The following HUWE1 variants were observed in gnomAD, a reference collection of about 807,000 sequenced individuals.
HUWE1 encodes the protein E3 ubiquitin-protein ligase HUWE1.
HUWE1 carries 18 observed loss-of-function variants against 299.4 expected under a neutral mutation model. The ratio of observed to expected loss-of-function variants is 0.06; its 90% confidence interval spans 0.04 to 0.09. The LOEUF (loss-of-function observed/expected upper bound fraction) is 0.09, where lower values mean the gene tolerates loss of function less well. Ranked by LOEUF, HUWE1 falls within the 10% of genes least tolerant of loss-of-function variation. The probability of loss-of-function intolerance (pLI) is 1.00; values close to 1 mark genes in which losing one functional copy is unlikely to be tolerated. For synonymous variants in HUWE1, 1,317 were observed against 1,286.1 expected (o/e 1.02, Z -0.51); for missense variants, 1,832 against 3,462.3 (o/e 0.53, Z 11.82).
At chrX:53,535,126 G>T (rs781949063) in intron 81 of HUWE1, among the ~76,000 whole-genome samples, 2 of 110,446 alleles carry the variant, frequency 1.8e-5, no homozygotes, top group Non-Finnish European at 3.8e-5. Context: ...GTAGAGACGG[G>T]GTTTCACCAT....
intron 49 of HUWE1, among the ~76,000 whole-genome samples, chrX:53,566,143 A>G (rs992351819): frequency 7.9e-4 from 73 of 92,653 alleles, no homozygotes; most frequent in African/African-American, 2.0e-3. Flanking sequence ...GTATATATAT[A>G]TATATATATA....
chrX:53,550,874 AG>A, intron 65 of HUWE1, 26 bp downstream of exon 65: 1 of 1,210,341 alleles, frequency 8.3e-7, no homozygotes, highest in Non-Finnish European at 1.1e-6. Context: ...AGCTTTCCAG[AG>A]CCCTCCCACT....
chrX:53,606,197 T>C (rs2065144806), intron 25 of HUWE1, among the ~76,000 whole-genome samples: 1 of 111,931 alleles, frequency 8.9e-6, no homozygotes, highest in Non-Finnish European at 1.9e-5. Flanking sequence ...TATATGCAAA[T>C]CATATACCTG....
chrX:53,665,720 A>G (rs1230192236), intron 3 of HUWE1, among the ~76,000 whole-genome samples: 1 of 112,658 alleles, frequency 8.9e-6, no homozygotes, highest in Non-Finnish European at 1.9e-5. Context: ...CCTTCTTGGT[A>G]TTCTCAACAA....
rs113393693 is a variant in HUWE1, at chrX:53,603,345, A to AAG, written c.2876+21_2876+22dup. 43 of 1,201,240 alleles carry AAG rather than the reference A, an allele frequency of 3.6e-5. No individual in the cohort carries two copies. The Middle Eastern group carries it at 9.2e-4, about 26-fold the overall frequency. ...CACCGAACTTAGATAACAAAGTAAT[A>AAG]AGAGAGAGAGCCATTCTCTTACCTG... On this transcript the variant is annotated intron_variant, in intron 27 of 83. Transcript: ENST00000262854.
At chrX:53,564,906 T>G (rs1280785227) in intron 50 of HUWE1, among the ~76,000 whole-genome samples, 161 bp downstream of exon 50, 1 of 112,530 alleles carries the variant, frequency 8.9e-6, no homozygotes, top group African/African-American at 3.2e-5. Context: ...AGGCTGCATT[T>G]TGAAGGAATT....
chrX:53,547,359 T>TA (rs2061584248), intron 68 of HUWE1, among the ~76,000 whole-genome samples: 1 of 111,737 alleles, frequency 8.9e-6, no homozygotes, highest in African/African-American at 3.3e-5. Flanking sequence ...GGATGGAACT[T>TA]AACTTTCTTT....
intron 42 of HUWE1, among the ~76,000 whole-genome samples, chrX:53,583,212 T>A (rs1436523925): frequency 9.1e-6 from 1 of 109,330 alleles, no homozygotes; most frequent in Non-Finnish European, 1.9e-5. Flanking sequence ...CGAGAGGTAC[T>A]CCTACAAAGG....
At chrX:53,611,050 T>C (rs998725848) in intron 23 of HUWE1, among the ~76,000 whole-genome samples, 6 of 109,920 alleles carry the variant, frequency 5.5e-5, no homozygotes, top group African/African-American at 2.0e-4. Context: ...GGTGAGTGAG[T>C]CTGAGTGTAG....
At chrX:53,582,560 AAGTT>A (rs1217271271) in intron 42 of HUWE1, among the ~76,000 whole-genome samples, 2 of 112,817 alleles carry the variant, frequency 1.8e-5, no homozygotes, top group African/African-American at 6.4e-5. Flanking sequence ...AACATGAACA[AAGTT>A]AGGCACAAAA....
intron 25 of HUWE1, among the ~76,000 whole-genome samples, chrX:53,605,991 A>C (rs972965467): frequency 8.9e-6 from 1 of 112,093 alleles, no homozygotes; most frequent in African/African-American, 3.2e-5. Flanking sequence ...CTAAGTTATA[A>C]AACTCCTAGA....
intron 7 of HUWE1, among the ~76,000 whole-genome samples, chrX:53,637,908 A>AT (rs1374385260): frequency 8.9e-6 from 1 of 111,750 alleles, no homozygotes. Flanking sequence ...CAACATATTA[A>AT]ATGTTAAGAT....
At position 53,629,591 on chromosome X, in the gene HUWE1, T is replaced by C; in HGVS notation, c.888A>G (p.Ser296=). 8.4e-7 allele frequency: 1 copy of C among 1,195,509 alleles called. No individual in the cohort carries two copies. Among genetic ancestry groups the C allele is most frequent in the South Asian group, 1.8e-5 (1 of 56,590 alleles). ...ILVYSNALQE[S]ANSILYNGLI... is the part of the protein sequence containing the mutation. ...AGCCATTATACAAGATACTGTTTGC[T>C]GATTCCTGCAAGGCATTGGAATACA... is the stretch of plus-strand genomic sequence containing the variant. The change falls in exon 13 of 84, where the codon TCA becomes TCG. Residue 296 remains serine (S), a synonymous_variant. Coordinates refer to ENST00000262854, the MANE Select transcript of HUWE1 (RefSeq NM_031407.7).
chrX:53,583,793 C>G lies in HUWE1; in HGVS notation c.5285G>C (p.Cys1762Ser). ...CACAGGGACTCCCAGCATGCTCACG[C>G]AGGCCCGGATTAAAACAGTCACCAT... is the stretch of plus-strand genomic sequence containing the variant. ...EDMVTVLIRACVSMLGVPVDP... is the reference protein window; with the variant it reads ...EDMVTVLIRASVSMLGVPVDP... Residue 1762 changes from cysteine (C) to serine (S), a missense_variant, in exon 42 of 84, where the codon TGC (cysteine) becomes TCC (serine). Physicochemically the swap from Cys to Ser is moderately radical, Grantham distance 112 (BLOSUM62 -1). Transcript: ENST00000262854. 1 of 1,208,948 alleles carries G rather than the reference C, an allele frequency of 8.3e-7. No individual in the cohort carries two copies. Among genetic ancestry groups the G allele is most frequent in the Non-Finnish European group, 1.1e-6 (1 of 893,871 alleles).
At chrX:53,589,126 T>C (rs1181809971) in intron 36 of HUWE1, among the ~76,000 whole-genome samples, 2 of 83,567 alleles carry the variant, frequency 2.4e-5, no homozygotes, top group African/African-American at 6.7e-5. Context: ...GTAATTCCTT[T>C]CTTATCCCAC....
At chrX:53,627,154 A>G (rs1252811358) in intron 17 of HUWE1, among the ~76,000 whole-genome samples, 1 of 111,750 alleles carries the variant, frequency 8.9e-6, no homozygotes, top group Non-Finnish European at 1.9e-5. Flanking sequence ...GTGATGAAAT[A>G]AAACAGATTA....
rs374068586 is a variant in HUWE1, at chrX:53,569,875, A to G, written c.6313-48T>C. ...ATTTACTTACAAGCACAATTATGCC[A>G]TATCATTTGCACAGGACCAAAGATA... On this transcript the variant is annotated intron_variant, in intron 47 of 83. Coordinates refer to ENST00000262854, the MANE Select transcript of HUWE1 (RefSeq NM_031407.7). 5.7e-4 allele frequency: 610 copies of G among 1,061,540 alleles called. No homozygotes were observed. The highest frequency in any genetic ancestry group is 6.9e-4 in the Non-Finnish European group (529 of 763,356). 87.5% of individuals were successfully genotyped at this position (1,061,540 alleles called of 1,213,427 possible).
At chrX:53,586,375 T>C in intron 39 of HUWE1, 115 bp downstream of exon 39, 1 of 511,883 alleles carries the variant, frequency 2.0e-6, no homozygotes, top group South Asian at 2.8e-5. Flanking sequence ...CTTAAGAGAT[T>C]TATACATTGG....
chrX:53,668,568 T>A (rs2069369250), intron 3 of HUWE1, among the ~76,000 whole-genome samples: 1 of 111,241 alleles, frequency 9.0e-6, no homozygotes, highest in African/African-American at 3.3e-5. Context: ...TTCCATTTAC[T>A]AGGTGTGTGA....
Sources: allele counts gnomAD v4.1 joint callset (sites outside exome capture counted in the v4.1 genomes callset), GRCh38; gene constraint gnomAD v4.1.1; transcripts MANE v1.5; gene names NCBI Gene and HGNC (gene_info 2026-07-23, HGNC 2026-07-21).